Variants in CAST observed in about 807,000 individuals in gnomAD.
CAST encodes the protein MIR583 host.
A neutral mutation model predicts 119.6 loss-of-function variants in CAST; 76 were observed. That is an observed-to-expected ratio of 0.64 (90% CI 0.53 to 0.77). CAST has a LOEUF of 0.77. CAST is among the 30% of genes least tolerant of loss of function. CAST has a pLI of 0.00. For synonymous variants in CAST, 319 were observed against 331.6 expected (o/e 0.96, Z 0.41); for missense variants, 953 against 946.5 (o/e 1.01, Z -0.09).
At chr5:95,961,457 G>A in the CAST span, 4 of 1,240,646 alleles carry the variant, frequency 3.2e-6, no homozygotes, top group Non-Finnish European at 4.1e-6. Context: ...TGGCCGCTGC[G>A]GGCGCTGACG....
chr5:96,761,058 A>G (rs1767777954), intron 24 of CAST: 2 of 152,134 alleles, frequency 1.3e-5, no homozygotes, highest in South Asian at 4.1e-4. Flanking sequence ...AAATTGAGAA[A>G]TGGACATAAA....
chr5:96,403,232 TC>T, the CAST span, among the ~76,000 whole-genome samples: 11 of 152,194 alleles, frequency 7.2e-5, no homozygotes, highest in Admixed American at 5.2e-4. Context: ...TTAAGGAGCT[TC>T]ATTGTCATGC....
the CAST span, among the ~76,000 whole-genome samples, chr5:95,972,037 G>A: frequency 1.6e-3 from 245 of 148,928 alleles, 1 homozygote; most frequent in African/African-American, 5.9e-3. Context: ...ATAGCTCACT[G>A]CAGCCTGAAA....
chr5:96,348,837 C>T, the CAST span, among the ~76,000 whole-genome samples: 107,175 of 151,904 alleles, frequency 0.71, 38,613 homozygotes, highest in African/African-American at 0.85. Flanking sequence ...CCTGAGATAC[C>T]TGGGGAATTA....
chr5:96,390,999 A>G, the CAST span: 2 of 152,660 alleles, frequency 1.3e-5, no homozygotes, highest in Non-Finnish European at 2.9e-5. Flanking sequence ...TGGAAAAGTA[A>G]TGAGTTTTCA....
At chr5:96,616,339 C>A (rs1195432966) in intron 1 of CAST, among the ~76,000 whole-genome samples, 4 of 152,106 alleles carry the variant, frequency 2.6e-5, no homozygotes, top group Admixed American at 6.5e-5. Context: ...CCTAAGGGAG[C>A]CCCTCCCTTA....
intron 25 of CAST, among the ~76,000 whole-genome samples, chr5:96,764,797 T>G (rs1426472662): frequency 6.6e-6 from 1 of 152,172 alleles, no homozygotes; most frequent in Non-Finnish European, 1.5e-5. Flanking sequence ...ACAACATTAG[T>G]AGATGTTTGT....
the CAST span, among the ~76,000 whole-genome samples, chr5:96,227,616 A>C: frequency 3.3e-5 from 5 of 152,320 alleles, no homozygotes; most frequent in African/African-American, 1.2e-4. Context: ...AGGGGGAAAA[A>C]GTGCCATCAT....
chr5:96,455,067 AT>A, the CAST span, among the ~76,000 whole-genome samples: 1 of 152,242 alleles, frequency 6.6e-6, no homozygotes, highest in African/African-American at 2.4e-5. Context: ...TATTTTAAAA[AT>A]AATAACGCAG....
At chr5:96,692,545 C>A (rs1227745216) in intron 2 of CAST, among the ~76,000 whole-genome samples, 1 of 152,190 alleles carries the variant, frequency 6.6e-6, no homozygotes, top group Non-Finnish European at 1.5e-5. Flanking sequence ...TCTTTCTGCT[C>A]CTCCTGCTTA....
chr5:96,632,024 A>AC (rs1747826024), intron 1 of CAST, among the ~76,000 whole-genome samples: 1 of 112,092 alleles, frequency 8.9e-6, no homozygotes. Context: ...GTCCTTTTAA[A>AC]AATTATTATT....
upstream of CAST, among the ~76,000 whole-genome samples, chr5:96,528,593 G>A (rs1037700329): frequency 7.2e-5 from 11 of 152,164 alleles, no homozygotes; most frequent in Admixed American, 2.0e-4. Context: ...CCAAGCAGTT[G>A]CTTTCCCTTG....
At chr5:96,274,099 AT>A in the CAST span, among the ~76,000 whole-genome samples, 4,431 of 144,024 alleles carry the variant, frequency 0.031, 201 homozygotes, top group African/African-American at 0.1. Flanking sequence ...TAGAGCCCCA[AT>A]TTTTTTTTTT....
the CAST span, among the ~76,000 whole-genome samples, chr5:95,985,325 A>G: frequency 6.6e-6 from 1 of 152,208 alleles, no homozygotes; most frequent in Non-Finnish European, 1.5e-5. Flanking sequence ...AAAAGAAACA[A>G]CAAGAAAAAA....
chr5:96,720,665 T>G (rs1758070510), intron 3 of CAST, among the ~76,000 whole-genome samples: 1 of 152,254 alleles, frequency 6.6e-6, no homozygotes, highest in African/African-American at 2.4e-5. Context: ...CTGTTCTGTA[T>G]AGAGATTTTA....
intron 1 of CAST, among the ~76,000 whole-genome samples, chr5:96,552,188 T>C (rs1446112897): frequency 6.6e-6 from 1 of 152,114 alleles, no homozygotes; most frequent in Non-Finnish European, 1.5e-5. Flanking sequence ...CCTCAGTAAA[T>C]CTAAAAGAAC....
chr5:95,971,038 G>A, the CAST span, among the ~76,000 whole-genome samples: 1 of 152,148 alleles, frequency 6.6e-6, no homozygotes, highest in Non-Finnish European at 1.5e-5. Flanking sequence ...GACCCCTGAT[G>A]AGTATACTGA....
At chr5:96,195,926 A>G in the CAST span, among the ~76,000 whole-genome samples, 7 of 152,170 alleles carry the variant, frequency 4.6e-5, no homozygotes, top group Non-Finnish European at 1.0e-4. Context: ...TGTTATTTTG[A>G]AATGATTTTT....
chr5:96,352,708 C>T, the CAST span, among the ~76,000 whole-genome samples: 1 of 152,122 alleles, frequency 6.6e-6, no homozygotes, highest in Non-Finnish European at 1.5e-5. Flanking sequence ...TCTCTGTCCC[C>T]ACCAAGATCT....
Sources: allele counts gnomAD v4.1 joint callset (sites outside exome capture counted in the v4.1 genomes callset), GRCh38; gene constraint gnomAD v4.1.1; transcripts MANE v1.5; gene names NCBI Gene and HGNC (gene_info 2026-07-23, HGNC 2026-07-21).